PXYLP1: variants seen among roughly 807,000 people sequenced by gnomAD.
PXYLP1 encodes 2-phosphoxylose phosphatase 1.
In PXYLP1, 17 loss-of-function variants were observed where a neutral mutation model predicts 37.9. That is an observed-to-expected ratio of 0.45 (90% CI 0.31 to 0.67). The LOEUF is 0.67. Among genes scored for constraint, PXYLP1 ranks in the 30% least tolerant of loss-of-function variants. The pLI, the probability that PXYLP1 is intolerant of heterozygous loss-of-function variation, is 0.07. For synonymous variants in PXYLP1, 221 were observed against 232.2 expected, an observed-to-expected ratio of 0.95 and a Z score of 0.44; for missense variants, 511 against 612.0, an observed-to-expected ratio of 0.84 and a Z score of 1.74.
At chr3:141,266,445 A>T (rs1378014118) in intron 2 of PXYLP1, among the ~76,000 whole-genome samples, 1 of 152,088 alleles carries the variant, frequency 6.6e-6, no homozygotes, top group African/African-American at 2.4e-5. Context: ...TGCGGTGCAG[A>T]TGGAAGAGAG....
chr3:141,290,259 G>A lies in PXYLP1; in HGVS notation c.506-2009G>A, dbSNP rs112569152. Among the ~76,000 whole-genome samples the A allele has an allele frequency of 3.5e-3, 529 of 152,346 alleles. 4 individuals are homozygous for A. Among genetic ancestry groups the A allele is most frequent in the African/African-American group, 0.012 (492 of 41,584 alleles). ...GCTGCAACTGCAGCACACAATGTGC[G>A]TGGAGACAACTGCCTGTAATGCCAG... On this transcript the variant is annotated intron_variant, in intron 5 of 5. Coordinates refer to ENST00000286353, the MANE Select transcript of PXYLP1 (RefSeq NM_001037172.3).
chr3:141,274,559 A>C, intron 2 of PXYLP1: 1 of 1,075,784 alleles, frequency 9.3e-7, no homozygotes, highest in South Asian at 1.3e-5. Context: ...TCAGTGCTCC[A>C]CATGAGGAGT....
intron 1 of PXYLP1, among the ~76,000 whole-genome samples, chr3:141,248,531 A>G (rs911920645): frequency 9.3e-5 from 14 of 149,844 alleles, no homozygotes; most frequent in Non-Finnish European, 1.6e-4. Flanking sequence ...ACACACGTAT[A>G]TATATACACA....
At chr3:141,287,189 G>A (rs1165819678) in intron 4 of PXYLP1, 125 bp from the exon 5 acceptor site, 6 of 948,558 alleles carry the variant, frequency 6.3e-6, no homozygotes, top group Non-Finnish European at 9.7e-6. Flanking sequence ...AAGTGATTGA[G>A]CCGGTACCTG....
Position 141,292,710 on chromosome 3 carries a change from T to G in PXYLP1, c.948T>G (p.Val316=). 6.2e-7 allele frequency: 1 copy of G among 1,614,098 alleles called. No homozygotes were observed. Among genetic ancestry groups the G allele is most frequent in the South Asian group, 1.1e-5 (1 of 91,044 alleles). Residue 316 remains valine (V), a synonymous_variant, in exon 6 of 6, where the codon GTT becomes GTG. Coordinates refer to ENST00000286353, the MANE Select transcript of PXYLP1 (RefSeq NM_001037172.3). This position sits in a 1 kb window ranked among gnomAD's most constrained non-coding sequence, Gnocchi z 4.3. ...VSFPCTRNGC[V]DMEHFKVIKT... is the part of the protein sequence containing the mutation. ...TTCCCTGTACCAGAAATGGCTGTGT[T>G]GACATGGAGCACTTCAAGGTAATTA...
At chr3:141,245,131 C>T (rs1940907778) in intron 1 of PXYLP1, among the ~76,000 whole-genome samples, 1 of 142,672 alleles carries the variant, frequency 7.0e-6, no homozygotes, top group African/African-American at 2.6e-5. Flanking sequence ...TTCACTGCAT[C>T]CTCTGTCCCC....
intron 4 of PXYLP1, among the ~76,000 whole-genome samples, chr3:141,285,144 C>CTTT (rs147495598): frequency 0.019 from 1,468 of 78,730 alleles, 78 homozygotes; most frequent in African/African-American, 0.055. Flanking sequence ...TTTTCTTTTT[C>CTTT]TTTTTTTTTT....
intron 1 of PXYLP1, among the ~76,000 whole-genome samples, chr3:141,245,448 G>A (rs143110885): frequency 2.6e-5 from 4 of 152,248 alleles, no homozygotes; most frequent in Non-Finnish European, 1.5e-5. Flanking sequence ...GATTAGAATC[G>A]TGCCATGCCT....
intron 2 of PXYLP1, 104 bp downstream of exon 2, chr3:141,260,358 A>G: frequency 2.3e-6 from 3 of 1,326,148 alleles, no homozygotes; most frequent in South Asian, 1.3e-5. Context: ...GGCTGAAGAC[A>G]ACGAAGTCTT....
rs79074565 is a variant in PXYLP1 at position 141,268,548 on chromosome 3, C to A, written c.79+8294C>A. ...TGCTGATGACATTAAAAGGAGGAAGCCCACCTTGAAATGAAGTGAGTGCTG... is the reference window on the plus strand; with the variant it reads ...TGCTGATGACATTAAAAGGAGGAAGACCACCTTGAAATGAAGTGAGTGCTG... On this transcript the variant is annotated intron_variant, in intron 2 of 5. Transcript: ENST00000286353. Among the ~76,000 whole-genome samples, 77 of 152,300 alleles carry A rather than the reference C, an allele frequency of 5.1e-4. No homozygotes were observed. The East Asian group carries it at 0.011, about 22-fold the overall frequency.
chr3:141,250,096 G>A (rs975961149), intron 1 of PXYLP1, among the ~76,000 whole-genome samples: 1 of 152,104 alleles, frequency 6.6e-6, no homozygotes, highest in Admixed American at 6.6e-5. Flanking sequence ...GAAAGAAATG[G>A]TAGCTAAATA....
chr3:141,236,554 AGCTT>A (rs551720006), intron 1 of PXYLP1, among the ~76,000 whole-genome samples: 3 of 152,208 alleles, frequency 2.0e-5, no homozygotes, highest in South Asian at 2.1e-4. Context: ...ACAAAACCAC[AGCTT>A]GCTTTCCTAA....
chr3:141,277,521 C>T (rs72982595), intron 2 of PXYLP1, among the ~76,000 whole-genome samples: 19,492 of 151,812 alleles, frequency 0.13, 1,584 homozygotes, highest in African/African-American at 0.23. Flanking sequence ...GATTAGCATC[C>T]GAAAGAAAAA....
At chr3:141,250,291 C>G (rs768246584) in intron 1 of PXYLP1, among the ~76,000 whole-genome samples, 1 of 152,158 alleles carries the variant, frequency 6.6e-6, no homozygotes, top group Non-Finnish European at 1.5e-5. Context: ...ATTATTGGAT[C>G]TGAAAAGTTG....
chr3:141,281,160 A>T (rs1941945245), intron 4 of PXYLP1, among the ~76,000 whole-genome samples: 1 of 152,252 alleles, frequency 6.6e-6, no homozygotes, highest in African/African-American at 2.4e-5. Flanking sequence ...ATCAGCATTT[A>T]TTGCACAAAT....
intron 2 of PXYLP1, among the ~76,000 whole-genome samples, chr3:141,270,610 C>T (rs762413986): frequency 7.2e-5 from 11 of 152,068 alleles, no homozygotes; most frequent in Non-Finnish European, 1.3e-4. Flanking sequence ...GGTTTATTTG[C>T]GGGGAGAAAT....
At chr3:141,233,463 CAAAAAAAAA>C (rs5853024) in intron 1 of PXYLP1, among the ~76,000 whole-genome samples, 11 of 79,404 alleles carry the variant, frequency 1.4e-4, no homozygotes, top group South Asian at 4.7e-4. Context: ...AAAACCCTGT[CAAAAAAAAA>C]AAAAAAAAAA....
intron 1 of PXYLP1, among the ~76,000 whole-genome samples, chr3:141,242,237 G>A (rs529254594): frequency 1.3e-5 from 2 of 152,192 alleles, no homozygotes; most frequent in East Asian, 1.9e-4. Flanking sequence ...TGAAATGAAC[G>A]CTCAATCCTG....
intron 1 of PXYLP1, among the ~76,000 whole-genome samples, chr3:141,233,161 G>A (rs1198257477): frequency 6.6e-6 from 1 of 152,128 alleles, no homozygotes; most frequent in African/African-American, 2.4e-5. Flanking sequence ...GTGGGAAGGG[G>A]ATTTATAGCA....
Sources: gnomAD v4.1 joint callset for allele counts (sites outside exome capture counted in the v4.1 genomes callset) on GRCh38, gnomAD v4.1.1 for gene constraint, Gnocchi (gnomAD v3.1) non-coding constraint, MANE v1.5 for transcripts, NCBI Gene and HGNC (gene_info 2026-07-23, HGNC 2026-07-21) for gene names.